PLCG2: variants seen among roughly 807,000 people sequenced by gnomAD.
The protein encoded by PLCG2 is phospholipase C gamma 2, also known as 1-phosphatidylinositol 4,5-bisphosphate phosphodiesterase gamma-2.
In PLCG2, 69 loss-of-function variants were observed where a neutral mutation model predicts 175.6. That is an observed-to-expected ratio of 0.39 (90% CI 0.32 to 0.48). The LOEUF (loss-of-function observed/expected upper bound fraction) is 0.48, where lower values mean the gene tolerates loss of function less well. Ranked by LOEUF, PLCG2 falls within the 20% of genes least tolerant of loss-of-function variation. PLCG2 has a pLI of 0.91. For synonymous variants in PLCG2, 827 were observed against 624.0 expected (o/e 1.33, Z -4.85); for missense variants, 1,798 against 1,650.9 (o/e 1.09, Z -1.54).
chr16:81,860,211 CA>C (rs148821834), intron 5 of PLCG2, among the ~76,000 whole-genome samples: 2,089 of 140,992 alleles, frequency 0.015, 50 homozygotes, highest in African/African-American at 0.053. Context: ...CTTACCCAGA[CA>C]TTTTTTTTTA....
At chr16:81,822,780 A>AAAAAAAAAAAAT (rs1258934947) in intron 2 of PLCG2, among the ~76,000 whole-genome samples, 1 of 150,802 alleles carries the variant, frequency 6.6e-6, no homozygotes, top group African/African-American at 2.4e-5. Flanking sequence ...AAAAAAAAAA[A>AAAAAAAAAAAAT]AGAAAAAGGC....
At chr16:81,781,916 G>T (rs565136522) in intron 1 of PLCG2, among the ~76,000 whole-genome samples, 1 of 146,092 alleles carries the variant, frequency 6.8e-6, no homozygotes, top group African/African-American at 2.5e-5. Context: ...CTGTCGCCCA[G>T]GCTGGAGTGC....
intron 13 of PLCG2, among the ~76,000 whole-genome samples, chr16:81,899,955 T>C (rs1268684449): frequency 6.6e-6 from 1 of 152,206 alleles, no homozygotes; most frequent in Non-Finnish European, 1.5e-5. Flanking sequence ...ATGGCTCAGG[T>C]ATTTGCCAAT....
intron 5 of PLCG2, among the ~76,000 whole-genome samples, chr16:81,866,998 G>A (rs1332797019): frequency 6.6e-6 from 1 of 152,220 alleles, no homozygotes; most frequent in East Asian, 1.9e-4. Context: ...GACTTTTTCT[G>A]CCCTCAAGGT....
At chr16:81,793,216 C>T (rs1046680104) in intron 2 of PLCG2, among the ~76,000 whole-genome samples, 1 of 152,136 alleles carries the variant, frequency 6.6e-6, no homozygotes, top group South Asian at 2.1e-4. Flanking sequence ...CCATCCCCAG[C>T]CTTCTGCATA....
intron 2 of PLCG2, among the ~76,000 whole-genome samples, chr16:81,791,334 G>A (rs917160606): frequency 6.6e-6 from 1 of 152,144 alleles, no homozygotes; most frequent in Non-Finnish European, 1.5e-5. Context: ...TTTGCTAGAT[G>A]GTTAGCAGGG....
At chr16:81,892,661 A>AC in intron 11 of PLCG2, among the ~76,000 whole-genome samples, 1 of 151,932 alleles carries the variant, frequency 6.6e-6, no homozygotes, top group East Asian at 2.0e-4. Context: ...TTAAAAAAAA[A>AC]ACTTTTATTT....
At chr16:81,910,873 C>G (rs551177431) in intron 18 of PLCG2, among the ~76,000 whole-genome samples, 153 bp downstream of exon 18, 112 of 152,376 alleles carry the variant, frequency 7.4e-4, no homozygotes, top group African/African-American at 2.5e-3. Context: ...GGCCAGTTTC[C>G]AAATTCCTGG....
intron 19 of PLCG2, among the ~76,000 whole-genome samples, chr16:81,915,036 C>A (rs1235116185): frequency 1.3e-5 from 2 of 152,166 alleles, no homozygotes; most frequent in Admixed American, 6.5e-5. Context: ...TTTTTCAAAC[C>A]CTCTCTGGTC....
At chr16:81,831,068 A>G (rs1905240773) in intron 2 of PLCG2, among the ~76,000 whole-genome samples, 1 of 152,120 alleles carries the variant, frequency 6.6e-6, no homozygotes, top group South Asian at 2.1e-4. Context: ...ATCAGCCCAG[A>G]TGTCACCACC....
At chr16:81,938,968 T>G (rs1910829282) in intron 29 of PLCG2, 53 bp downstream of exon 29, 1 of 988,534 alleles carries the variant, frequency 1.0e-6, no homozygotes, top group Non-Finnish European at 1.6e-6. Flanking sequence ...CAGTGAATCC[T>G]TTGTGGGAGT....
At chr16:81,821,307 T>A (rs1904788942) in intron 2 of PLCG2, among the ~76,000 whole-genome samples, 2 of 152,214 alleles carry the variant, frequency 1.3e-5, no homozygotes, top group African/African-American at 4.8e-5. Context: ...TAATAATGGA[T>A]TGTTGTCTCT....
intron 1 of PLCG2, among the ~76,000 whole-genome samples, chr16:81,751,581 G>C (rs1909813532): frequency 6.6e-6 from 1 of 152,146 alleles, no homozygotes; most frequent in African/African-American, 2.4e-5. Flanking sequence ...TAATAATAGA[G>C]TATGGTACAT....
At chr16:81,792,781 C>A (rs1911298419) in intron 2 of PLCG2, among the ~76,000 whole-genome samples, 1 of 152,124 alleles carries the variant, frequency 6.6e-6, no homozygotes, top group Admixed American at 6.5e-5. Context: ...GATTCAATTA[C>A]CTCCCACTGG....
intron 9 of PLCG2, 53 bp downstream of exon 9, chr16:81,883,394 G>A: frequency 6.8e-7 from 1 of 1,463,492 alleles, no homozygotes; most frequent in Non-Finnish European, 9.6e-7. Flanking sequence ...ATGCTGCTGG[G>A]GACTAGTCTC....
intron 2 of PLCG2, among the ~76,000 whole-genome samples, chr16:81,829,334 C>T (rs1361096513): frequency 6.6e-6 from 1 of 152,170 alleles, no homozygotes; most frequent in East Asian, 1.9e-4. Context: ...GCCTTGAACT[C>T]CTGACTTCAG....
chr16:81,838,376 C>T lies in PLCG2; in HGVS notation c.194-16068C>T, dbSNP rs367751699. 3.6e-3 allele frequency among the ~76,000 whole-genome samples: 547 copies of T among 152,258 alleles called. 2 individuals carry two copies. The highest frequency in any genetic ancestry group is 0.013 in the African/African-American group (521 of 41,558). On this transcript the variant is annotated intron_variant, in intron 2 of 32. Transcript: ENST00000564138. ...TGCTGGGATTACAGGCATGAGCCGCCGTTGCCAGCCTGAAAGATATGAAAT... is the reference window on the plus strand; with the variant it reads ...TGCTGGGATTACAGGCATGAGCCGCTGTTGCCAGCCTGAAAGATATGAAAT...
chr16:81,881,809 G>C, intron 8 of PLCG2, among the ~76,000 whole-genome samples: 1 of 142,928 alleles, frequency 7.0e-6, no homozygotes, highest in Admixed American at 7.0e-5. Flanking sequence ...TCCAGCTATT[G>C]TTTTTTTTTT....
chr16:81,921,156 G>A, intron 20 of PLCG2, 42 bp from the exon 21 acceptor site: 1 of 1,228,530 alleles, frequency 8.1e-7, no homozygotes, highest in Non-Finnish European at 1.2e-6. Context: ...GCTATTCCAG[G>A]AGCATGGATT....
Sources: allele counts gnomAD v4.1 joint callset (sites outside exome capture counted in the v4.1 genomes callset), GRCh38; gene constraint gnomAD v4.1.1; transcripts MANE v1.5; gene names NCBI Gene and HGNC (gene_info 2026-07-23, HGNC 2026-07-21).